SPATA31D1: variants seen among roughly 807,000 people sequenced by gnomAD.
The protein encoded by SPATA31D1 is spermatogenesis-associated protein 31D1.
In SPATA31D1, 6 loss-of-function variants were observed where a neutral mutation model predicts 13.2. The ratio of observed to expected loss-of-function variants is 0.46; its 90% CI spans 0.25 to 0.90. The LOEUF (loss-of-function observed/expected upper bound fraction) is 0.90, where lower values mean the gene tolerates loss of function less well. SPATA31D1 is among the 40% of genes least tolerant of loss of function. The probability of loss-of-function intolerance (pLI) is 0.18; values close to 1 mark genes in which losing one functional copy is unlikely to be tolerated. For synonymous variants in SPATA31D1, 903 were observed against 718.8 expected (o/e 1.26, Z -4.10); for missense variants, 2,445 against 1,884.7 (o/e 1.30, Z -5.50).
At position 81,994,913 on chromosome 9, in the gene SPATA31D1, T is replaced by A. The variant is rs1224490158; in HGVS notation, c.4443T>A (p.Val1481=). The change falls in exon 4 of 4, where the codon GTT becomes GTA. Residue 1481 remains valine (V), a synonymous_variant. Transcript: ENST00000344803. The stretch of plus-strand genomic sequence containing the variant: ...CTTGCAGCCAACAAGCTATCTTTGT[T>A]GGCCAGAATTATCCTACAAGGATTA... ...TKSCSQQAIF[V]GQNYPTRIRQ... 5 of 1,614,004 alleles carry A rather than the reference T, an allele frequency of 3.1e-6. No individual in the cohort carries two copies. Among genetic ancestry groups the A allele is most frequent in the Non-Finnish European group, 4.2e-6 (5 of 1,179,894 alleles).
Position 81,994,931 on chromosome 9 carries a change from A to G in SPATA31D1, c.4461A>G (p.Thr1487=), listed in dbSNP as rs369904775. ...QAIFVGQNYP[T]RIRQIIDKDR... ...TCTTTGTTGGCCAGAATTATCCTAC[A>G]AGGATTAGACAGATCATAGACAAGG... The change falls in exon 4 of 4, where the codon ACA becomes ACG. Residue 1487 remains threonine, a synonymous_variant. Transcript: ENST00000344803. 177 of 1,613,876 alleles carry G rather than the reference A, an allele frequency of 1.1e-4. No individual in the cohort carries two copies. Among genetic ancestry groups the G allele is most frequent in the Non-Finnish European group, 1.4e-4 (168 of 1,179,904 alleles).
Position 81,993,328 on chromosome 9 carries a change from A to G in SPATA31D1, c.2858A>G (p.Gln953Arg). The G allele has an allele frequency of 6.2e-7, 1 of 1,613,948 alleles. No homozygotes were observed. The highest frequency in any genetic ancestry group is 8.5e-7 in the Non-Finnish European group (1 of 1,179,894). ...CCCTCCTCAGCCACCTTCATCTCTC[A>G]GGGAGATTCCAAAGATGGGGTCTCT... ...DLPSSATFIS[Q>R]GDSKDGVSKS... The change falls in exon 4 of 4, where the codon CAG (glutamine) becomes CGG (arginine). Residue 953 changes from glutamine (Q) to arginine (R), a missense_variant. Physicochemically the swap from Gln to Arg is conservative, Grantham distance 43. Transcript: ENST00000344803.
chr9:81,993,979 CACTG>C lies in SPATA31D1; in HGVS notation c.3512_3515del (p.Leu1171GlnfsTer3). ...ACAACCAGCAAGTCAGGAAGCTGCT[CACTG>C]ACAAATGTGAAAGCAAGCACTTCCA... is the stretch of plus-strand genomic sequence containing the variant. On this transcript the variant is annotated frameshift_variant, in exon 4 of 4. Transcript: ENST00000344803. LOFTEE classifies it low-confidence loss of function (END_TRUNC). The C allele has an allele frequency of 6.2e-7, 1 of 1,613,822 alleles. No individual in the cohort carries two copies. The highest frequency in any genetic ancestry group is 8.5e-7 in the Non-Finnish European group (1 of 1,179,776).
intron 1 of SPATA31D1, among the ~76,000 whole-genome samples, chr9:81,989,460 C>T (rs1456445487): frequency 2.0e-5 from 3 of 152,270 alleles, no homozygotes; most frequent in African/African-American, 7.2e-5. Flanking sequence ...GAGCTATAGG[C>T]CTGTCTCCGT....
In SPATA31D1 at chr9:81,994,603, G is replaced by A; in HGVS notation, c.4133G>A (p.Gly1378Asp). The change falls in exon 4 of 4, where the codon GGT becomes GAT. Residue 1378 changes from glycine (G) to aspartate (D), a missense_variant. Physicochemically the swap from Gly to Asp is moderately conservative, Grantham distance 94 (BLOSUM62 -1). Transcript: ENST00000344803. ...GAACAAGAAAGTTCCTGGGAAAAGG[G>A]TAGCTCCCTGTCATCATGTGTGCAG... is the stretch of plus-strand genomic sequence containing the variant. ...YEEQESSWEKGSSLSSCVQNI... is the reference protein window; with the variant it reads ...YEEQESSWEKDSSLSSCVQNI... The A allele has an allele frequency of 6.2e-7, 1 of 1,612,946 alleles. No individual in the cohort carries two copies. Among genetic ancestry groups the A allele is most frequent in the Non-Finnish European group, 8.5e-7 (1 of 1,179,404 alleles).
In SPATA31D1 at chr9:81,991,007, C is replaced by T. The variant is rs1416881904; in HGVS notation, c.537C>T (p.Thr179=). The change falls in exon 4 of 4, where the codon ACC becomes ACT. Residue 179 remains threonine (T), a synonymous_variant. Transcript: ENST00000344803. ...SFTLASTPSA[T]PPEDLILSPR... ...CTCTGGCTTCCACCCCCTCAGCAAC[C>T]CCTCCAGAAGACCTAATACTGTCCC... 6.2e-7 allele frequency: 1 copy of T among 1,613,760 alleles called. No homozygotes were observed. The highest frequency in any genetic ancestry group is 2.2e-5 in the East Asian group (1 of 44,872).
upstream of SPATA31D1, among the ~76,000 whole-genome samples, chr9:81,987,791 A>C (rs549700489): frequency 4.1e-4 from 62 of 152,306 alleles, no homozygotes; most frequent in Admixed American, 4.0e-3. Context: ...GGCGATTAAA[A>C]AACAACAACA....
chr9:81,992,345 G>A lies in SPATA31D1; in HGVS notation c.1875G>A (p.Glu625=), dbSNP rs1213409993. 6.2e-7 allele frequency: 1 copy of A among 1,613,848 alleles called. No homozygotes were observed. The highest frequency in any genetic ancestry group is 8.5e-7 in the Non-Finnish European group (1 of 1,179,742). The change falls in exon 4 of 4, where the codon GAG becomes GAA. Residue 625 remains glutamate, a synonymous_variant. Coordinates refer to ENST00000344803, the MANE Select transcript of SPATA31D1 (RefSeq NM_001001670.3). ...TGCCATCTGAAATTAACCATCTGGA[G>A]TGGAACGTGTTGCAGAAAGTGCAGG... The part of the protein sequence containing the change: ...SLLPSEINHL[E]WNVLQKVQES...
At chr9:81,989,083 T>A (rs1358731607) in intron 1 of SPATA31D1, 79 bp downstream of exon 1, 6 of 1,557,410 alleles carry the variant, frequency 3.9e-6, no homozygotes, top group Non-Finnish European at 5.2e-6. Context: ...TCTAAATAAG[T>A]TTGGTTGGTA....
In SPATA31D1 at chr9:81,994,334, A is replaced by C. The variant is rs116948895; in HGVS notation, c.3864A>C (p.Pro1288=). The change falls in exon 4 of 4, where the codon CCA becomes CCC. Residue 1288 remains proline (P), a synonymous_variant. Transcript: ENST00000344803. ...AGAAGTGTCAAGTTACGAATTTCCC[A>C]CCAGCTGTAAACAGAGTGAGTCCTG... ...VLQKCQVTNF[P]PAVNRVSPVR... is the part of the protein sequence containing the mutation. 4 of 1,613,788 alleles carry C rather than the reference A, an allele frequency of 2.5e-6. No homozygotes were observed. In the East Asian group the frequency reaches 8.9e-5, roughly 36 times the overall value.
At chr9:81,987,471 A>G (rs1188358698), upstream of SPATA31D1, among the ~76,000 whole-genome samples, 2 of 152,182 alleles carry the variant, frequency 1.3e-5, no homozygotes, top group African/African-American at 4.8e-5. Flanking sequence ...CCAGGTCGCA[A>G]TCCTCAAGCT....
chr9:81,989,428 G>C (rs563575641), intron 1 of SPATA31D1, among the ~76,000 whole-genome samples: 1 of 152,152 alleles, frequency 6.6e-6, no homozygotes, highest in Non-Finnish European at 1.5e-5. Context: ...GAGTAATGCT[G>C]AGAGTCTCTG....
In SPATA31D1 at chr9:81,990,408, A is replaced by C; in HGVS notation, c.233-9A>C. Reference sequence around the variant, plus strand: ...CCTCTATCTTCATTGCATATAACATACTATTCAGGTTTCCCAGACTGGAAA... The same window carrying C: ...CCTCTATCTTCATTGCATATAACATCCTATTCAGGTTTCCCAGACTGGAAA... On this transcript the variant is annotated splice_polypyrimidine_tract_variant and intron_variant, in intron 2 of 3. Coordinates refer to ENST00000344803, the MANE Select transcript of SPATA31D1 (RefSeq NM_001001670.3). 1 of 1,597,964 alleles carries C rather than the reference A, an allele frequency of 6.3e-7. No individual in the cohort carries two copies.
At position 81,991,550 on chromosome 9, in the gene SPATA31D1, G is replaced by A. The variant is rs1824963863; in HGVS notation, c.1080G>A (p.Gln360=). The change falls in exon 4 of 4, where the codon CAG becomes CAA. Residue 360 remains glutamine (Q), a synonymous_variant. Transcript: ENST00000344803. Reference sequence around the variant, plus strand: ...CATCTTCAGAATTCACCTGGTGGCAGCCTCATGCCAAGGACTCTTTTTCCT... The same window carrying A: ...CATCTTCAGAATTCACCTGGTGGCAACCTCATGCCAAGGACTCTTTTTCCT... ...HLASSEFTWW[Q]PHAKDSFSSN... 2 of 1,614,004 alleles carry A rather than the reference G, an allele frequency of 1.2e-6. No homozygotes were observed. The highest frequency in any genetic ancestry group is 1.1e-5 in the South Asian group (1 of 91,086).
In SPATA31D1 at chr9:81,994,561, C is replaced by T. The variant is rs1241423098; in HGVS notation, c.4091C>T (p.Pro1364Leu). Reference protein sequence around the residue: ...MKTSLQWFNKPSISYEEQESS... With the variant: ...MKTSLQWFNKLSISYEEQESS... ...ACCTCTTTGCAGTGGTTTAATAAAC[C>T]CAGCATATCATATGAAGAACAAGAA... is the stretch of plus-strand genomic sequence containing the variant. The change falls in exon 4 of 4, where the codon CCC becomes CTC. Residue 1364 changes from proline (P) to leucine (L), a missense_variant. Pro to Leu is a moderately conservative substitution (Grantham distance 98). Transcript: ENST00000344803. The T allele has an allele frequency of 6.2e-7, 1 of 1,613,014 alleles. No individual in the cohort carries two copies. The highest frequency in any genetic ancestry group is 8.5e-7 in the Non-Finnish European group (1 of 1,179,462).
In SPATA31D1 at chr9:81,995,170, T is replaced by A; in HGVS notation, c.4700T>A (p.Leu1567Ter). The change falls in exon 4 of 4, where the codon TTA (leucine) becomes TAA (stop). Residue 1567 changes from leucine to a stop codon, truncating the protein, a stop_gained. Transcript: ENST00000344803. LOFTEE classifies it low-confidence loss of function (END_TRUNC). ...LTGQKMLPKH[L>*]QGGKFPPTK ...GGACAGAAAATGCTTCCAAAGCATT[T>A]ACAGGGAGGAAAATTTCCCCCCACA... 6.5e-7 allele frequency: 1 copy of A among 1,547,254 alleles called. No homozygotes were observed. The highest frequency in any genetic ancestry group is 8.7e-7 in the Non-Finnish European group (1 of 1,144,294).
Position 81,990,948 on chromosome 9 carries a change from G to A in SPATA31D1, c.478G>A (p.Ala160Thr). Residue 160 changes from alanine (A) to threonine (T), a missense_variant, in exon 4 of 4, where the codon GCT (alanine) becomes ACT (threonine). Ala to Thr is a moderately conservative substitution (Grantham distance 58). Transcript: ENST00000344803. ...KDAAPSVSPL[A>T]SSASATESSF... ...TGCTGCTCCCTCTGTGTCCCCTTTG[G>A]CTTCTTCGGCTTCTGCGACTGAGTC... The A allele has an allele frequency of 6.2e-7, 1 of 1,613,834 alleles. No homozygotes were observed. The highest frequency in any genetic ancestry group is 8.5e-7 in the Non-Finnish European group (1 of 1,179,826).
At chr9:81,989,691 TG>T in intron 1 of SPATA31D1, 86 bp from the exon 2 acceptor site, 1 of 1,269,064 alleles carries the variant, frequency 7.9e-7, no homozygotes, top group Admixed American at 1.8e-5. Context: ...GTATAATGAA[TG>T]AATGAATGAA....
Position 81,992,132 on chromosome 9 carries a change from C to A in SPATA31D1, c.1662C>A (p.Ser554=). ...TACTTCCCCCTCCCCAACCTCTGTC[C>A]TTGCCTAGTACCCAACCACTACCCT... ...SPVLPPPQPL[S]LPSTQPLPLP... Residue 554 remains serine, a synonymous_variant, in exon 4 of 4, where the codon TCC becomes TCA. Coordinates refer to ENST00000344803, the MANE Select transcript of SPATA31D1 (RefSeq NM_001001670.3). 1 of 1,613,720 alleles carries A rather than the reference C, an allele frequency of 6.2e-7. No individual in the cohort carries two copies. Among genetic ancestry groups the A allele is most frequent in the Non-Finnish European group, 8.5e-7 (1 of 1,179,730 alleles).
Sources: gnomAD v4.1 joint callset for allele counts (sites outside exome capture counted in the v4.1 genomes callset) on GRCh38, gnomAD v4.1.1 for gene constraint, MANE v1.5 for transcripts, NCBI Gene and HGNC (gene_info 2026-07-23, HGNC 2026-07-21) for gene names.